The following KPNA7 variants were observed in gnomAD, a reference collection of about 807,000 sequenced individuals.
The protein encoded by KPNA7 is karyopherin subunit alpha 7.
KPNA7 carries 54 observed loss-of-function variants against 53.7 expected under a neutral mutation model. The ratio of observed to expected loss-of-function variants is 1.01; its 90% CI spans 0.81 to 1.26. The LOEUF (loss-of-function observed/expected upper bound fraction) is 1.26. Among genes scored for constraint, KPNA7 ranks in the 50% most tolerant of loss-of-function variants. The pLI is 0.00. For synonymous variants in KPNA7, 276 were observed against 259.3 expected, an observed-to-expected ratio of 1.06 and a Z score of -0.62; for missense variants, 640 against 644.5, an observed-to-expected ratio of 0.99 and a Z score of 0.07.
At chr7:99,183,939 C>A (rs568023128) in intron 8 of KPNA7, among the ~76,000 whole-genome samples, 128 of 152,184 alleles carry the variant, frequency 8.4e-4, no homozygotes, top group Non-Finnish European at 1.6e-3. Context: ...TCCACCCTCC[C>A]AGGTTCAAGT....
rs532383617 is a variant in KPNA7 at position 99,195,337 on chromosome 7, T to C, written c.286A>G (p.Lys96Glu). 1.3e-6 allele frequency: 2 copies of C among 1,550,666 alleles called. No homozygotes were observed. Among genetic ancestry groups the C allele is most frequent in the Non-Finnish European group, 1.7e-6 (2 of 1,146,398 alleles). ...LCFQATQTAR[K>E]MLSQEKNPPL... ...GGGTTCTTTTCCTGGGATAGCATTT[T>C]CCTATGCAATGAAAGAGAGGGCAGG... The change falls in exon 5 of 11, where the codon AAA (lysine) becomes GAA (glutamate). Residue 96 changes from lysine to glutamate, a missense_variant and splice_region_variant. Lys to Glu is a moderately conservative substitution (Grantham distance 56). Coordinates refer to ENST00000327442, the MANE Select transcript of KPNA7 (RefSeq NM_001145715.3).
At chr7:99,148,981 C>T in the KPNA7 span, among the ~76,000 whole-genome samples, 12 of 150,634 alleles carry the variant, frequency 8.0e-5, no homozygotes, top group East Asian at 2.4e-3. Flanking sequence ...CAGCAACTTC[C>T]ACCTCCCAGA....
rs1187469663 is a variant in KPNA7, at chr7:99,196,140, G to A, written c.228C>T (p.Ile76=). ...CTGGATCTGAGCTATTCACACCTTT[G>A]ATTATTTCACCCAGAGTGAGGCTGA... The part of the protein sequence containing the change: ...VAVSLTLGEI[I]KGVNSSDPVL... Residue 76 remains isoleucine (I), a synonymous_variant, in exon 4 of 11, where the codon ATC becomes ATT. Coordinates refer to ENST00000327442, the MANE Select transcript of KPNA7 (RefSeq NM_001145715.3). The A allele has an allele frequency of 6.4e-7, 1 of 1,551,758 alleles. No individual in the cohort carries two copies.
intron 10 of KPNA7, among the ~76,000 whole-genome samples, chr7:99,174,845 C>T (rs1256574872): frequency 1.1e-4 from 17 of 150,402 alleles, no homozygotes; most frequent in Admixed American, 1.0e-3. Flanking sequence ...GAGTCTTACT[C>T]TGTCGCCCAG....
chr7:99,179,591 T>A (rs1291212088), intron 9 of KPNA7, among the ~76,000 whole-genome samples: 1 of 151,308 alleles, frequency 6.6e-6, no homozygotes, highest in East Asian at 1.9e-4. Context: ...TTTATATTTT[T>A]ATTTATTTTT....
intron 9 of KPNA7, among the ~76,000 whole-genome samples, chr7:99,178,514 T>G (rs143945767): frequency 0.023 from 3,490 of 151,962 alleles, 132 homozygotes; most frequent in African/African-American, 0.081. Context: ...GTTGCAGTGA[T>G]CTGACATTGC....
At chr7:99,168,012 A>G in the KPNA7 span, among the ~76,000 whole-genome samples, 1 of 150,204 alleles carries the variant, frequency 6.7e-6, no homozygotes, top group Non-Finnish European at 1.5e-5. Context: ...TATCCGTAGA[A>G]AAATTGCCTT....
chr7:99,173,153 A>T (rs1179931549), downstream of KPNA7, among the ~76,000 whole-genome samples: 1 of 151,422 alleles, frequency 6.6e-6, no homozygotes, highest in Non-Finnish European at 1.5e-5. Context: ...TTGCTTTAAG[A>T]CCTTTTAAAA....
At chr7:99,170,439 G>C (rs995005681), downstream of KPNA7, among the ~76,000 whole-genome samples, 10 of 149,668 alleles carry the variant, frequency 6.7e-5, no homozygotes, top group African/African-American at 2.5e-4. Flanking sequence ...TAGAGAATGG[G>C]ACAAGAAAAT....
At chr7:99,187,801 A>T (rs1232215422) in intron 7 of KPNA7, among the ~76,000 whole-genome samples, 171 of 1,006 alleles carry the variant, frequency 0.17, 2 homozygotes, top group Non-Finnish European at 0.32. Flanking sequence ...TTTTTTTTTA[A>T]AAAAAAAAAA....
In KPNA7 at chr7:99,207,695, G is replaced by T. The variant is rs372251963; in HGVS notation, c.-23-206C>A. On this transcript the variant is annotated intron_variant, in intron 1 of 10. Transcript: ENST00000327442. The stretch of plus-strand genomic sequence containing the variant: ...CTGTTGCCCAGACTTGAGTGCAGTG[G>T]GGGGATATCAGTTCACTGCAACCTC... Among the ~76,000 whole-genome samples, 12 of 140,264 alleles carry T rather than the reference G, an allele frequency of 8.6e-5. No individual in the cohort carries two copies. The East Asian group carries it at 2.4e-3, about 28-fold the overall frequency. 92.0% of individuals were successfully genotyped at this position (140,264 alleles called of 152,430 possible).
the KPNA7 span, among the ~76,000 whole-genome samples, chr7:99,151,617 T>TAA: frequency 2.0e-5 from 3 of 148,628 alleles, no homozygotes; most frequent in African/African-American, 7.4e-5. Flanking sequence ...CCTGGCTAAT[T>TAA]AAAAAAAAAA....
intron 5 of KPNA7, 126 bp downstream of exon 5, chr7:99,194,944 G>C: frequency 8.7e-7 from 1 of 1,155,906 alleles, no homozygotes; most frequent in Non-Finnish European, 1.2e-6. Context: ...ACCCTTGCCA[G>C]CACTTCTAGG....
At chr7:99,164,557 A>T in the KPNA7 span, among the ~76,000 whole-genome samples, 1 of 152,168 alleles carries the variant, frequency 6.6e-6, no homozygotes, top group Non-Finnish European at 1.5e-5. Flanking sequence ...TAATGGGTGC[A>T]GCACACCATG....
intron 6 of KPNA7, among the ~76,000 whole-genome samples, chr7:99,190,814 G>T (rs1789909671): frequency 6.6e-6 from 1 of 151,666 alleles, no homozygotes; most frequent in African/African-American, 2.4e-5. Context: ...TGCCCAGCTT[G>T]ATAAAACTAT....
intron 1 of KPNA7, among the ~76,000 whole-genome samples, chr7:99,218,387 G>A (rs775909485): frequency 1.3e-5 from 2 of 152,006 alleles, no homozygotes; most frequent in Non-Finnish European, 1.5e-5. Context: ...AAGAGACCAG[G>A]CCCTCTACCT....
intron 9 of KPNA7, among the ~76,000 whole-genome samples, chr7:99,180,828 T>C (rs1171317166): frequency 2.5e-5 from 2 of 81,378 alleles, no homozygotes; most frequent in African/African-American, 8.9e-5. Context: ...TCTCTCTCTC[T>C]CCCCGTCTGT....
intron 1 of KPNA7, among the ~76,000 whole-genome samples, chr7:99,215,196 A>AC (rs1385308131): frequency 6.6e-6 from 1 of 151,332 alleles, no homozygotes; most frequent in African/African-American, 2.4e-5. Context: ...ACATGGTGAA[A>AC]CCCCGTCTCT....
intron 4 of KPNA7, among the ~76,000 whole-genome samples, chr7:99,195,737 G>A (rs1046576802): frequency 2.0e-5 from 3 of 152,108 alleles, no homozygotes; most frequent in Non-Finnish European, 2.9e-5. Flanking sequence ...TTATACATAA[G>A]CCACATAGCT....
Sources: allele counts gnomAD v4.1 joint callset (sites outside exome capture counted in the v4.1 genomes callset), GRCh38; gene constraint gnomAD v4.1.1; transcripts MANE v1.5; gene names NCBI Gene and HGNC (gene_info 2026-07-23, HGNC 2026-07-21).